ATF7IP: variants seen among roughly 807,000 people sequenced by gnomAD.
The protein encoded by ATF7IP is activating transcription factor 7 interacting protein, also known as activating transcription factor 7-interacting protein 1.
ATF7IP carries 23 observed loss-of-function variants against 106.4 expected under a neutral mutation model. That is an observed-to-expected ratio of 0.22 (90% CI 0.16 to 0.31). The LOEUF (loss-of-function observed/expected upper bound fraction) is 0.31, where lower values mean the gene tolerates loss of function less well. Ranked by LOEUF, ATF7IP falls within the 10% of genes least tolerant of loss-of-function variation. The pLI is 1.00. For missense variants in ATF7IP, 1,334 were observed against 1,524.3 expected (o/e 0.88, Z 2.08); for synonymous variants, 542 against 539.0 (o/e 1.01, Z -0.08).
At chr12:14,377,802 C>T (rs1475564432) in intron 1 of ATF7IP, among the ~76,000 whole-genome samples, 6 of 151,600 alleles carry the variant, frequency 4.0e-5, no homozygotes, top group Non-Finnish European at 8.8e-5. Context: ...TTAGTAGAGA[C>T]AGGGTTTCAC....
intron 1 of ATF7IP, among the ~76,000 whole-genome samples, chr12:14,408,744 G>A (rs1940744565): frequency 6.6e-6 from 1 of 151,864 alleles, no homozygotes; most frequent in African/African-American, 2.4e-5. Flanking sequence ...CTTATAAATG[G>A]GTATATTTTA....
rs1462414998 is a variant in ATF7IP at position 14,500,070 on chromosome 12, T to A, written c.*1997T>A. On this transcript the variant is annotated 3_prime_UTR_variant, in exon 15 of 15. Coordinates refer to ENST00000261168, the MANE Select transcript of ATF7IP (RefSeq NM_018179.5). ...TTGAGAATATTTTGAAAGGAATTTA[T>A]GGAGTTTGTGAAATAACTTCGAAGT... is the stretch of plus-strand genomic sequence containing the variant. 1 of 152,206 alleles carries A rather than the reference T, an allele frequency of 6.6e-6. No homozygotes were observed. Among genetic ancestry groups the A allele is most frequent in the East Asian group, 1.9e-4 (1 of 5,200 alleles). 9.4% of individuals were successfully genotyped at this position (152,206 alleles called of 1,614,324 possible). A position where few individuals can be genotyped will look rare whatever the true frequency, so the allele number is the denominator to read the frequency against.
At chr12:14,398,387 G>GTTT (rs199525754) in intron 1 of ATF7IP, among the ~76,000 whole-genome samples, 1 of 144,348 alleles carries the variant, frequency 6.9e-6, no homozygotes, top group Non-Finnish European at 1.5e-5. Context: ...ACATCTAAAA[G>GTTT]TTTTTTTTTT....
At chr12:14,422,544 G>T (rs1941590813) in intron 1 of ATF7IP, among the ~76,000 whole-genome samples, 1 of 152,128 alleles carries the variant, frequency 6.6e-6, no homozygotes. Flanking sequence ...CCCTTTAGCA[G>T]CTACTCCTCA....
rs541591390 is a variant in ATF7IP, at chr12:14,365,687, T to C, written c.-148T>C. ...GGAGAAGCGGGTTTGTTTTTGAATC[T>C]GCGGAGGCGGCGGCGGTGGCAGCGG... is the stretch of plus-strand genomic sequence containing the variant. On this transcript the variant is annotated 5_prime_UTR_variant, in exon 1 of 15. Coordinates refer to ENST00000261168, the MANE Select transcript of ATF7IP (RefSeq NM_018179.5). 95 of 157,122 alleles carry C rather than the reference T, an allele frequency of 6.0e-4. 2 individuals carry two copies. The South Asian group carries it at 0.015, about 25-fold the overall frequency. The allele number at this position is 157,122 out of a possible 1,614,324, so 9.7% of individuals were successfully genotyped here.
chr12:14,413,424 C>T (rs917110381), intron 1 of ATF7IP, among the ~76,000 whole-genome samples: 7 of 152,088 alleles, frequency 4.6e-5, no homozygotes, highest in African/African-American at 1.7e-4. Flanking sequence ...TCTTAAATGG[C>T]ATCTCCATTT....
chr12:14,417,943 C>G (rs769857196), intron 1 of ATF7IP, among the ~76,000 whole-genome samples: 7 of 152,070 alleles, frequency 4.6e-5, no homozygotes, highest in Non-Finnish European at 1.0e-4. Flanking sequence ...CATTTAAATT[C>G]TTGAGCTTTT....
rs147130651 is a variant in ATF7IP at position 14,475,212 on chromosome 12, A to G, written c.2863-678A>G. Among the ~76,000 whole-genome samples, 1,473 of 152,312 alleles carry G rather than the reference A, an allele frequency of 9.7e-3. 18 individuals carry two copies. The highest frequency in any genetic ancestry group is 0.065 in the Middle Eastern group (19 of 294). ...ATCCTCACAATAGCCTCAATATTCA[A>G]ATATTGGAAATTGAGATAATTACCC... On this transcript the variant is annotated intron_variant, in intron 10 of 14. Transcript: ENST00000261168.
chr12:14,428,497 G>T (rs1941972196), intron 2 of ATF7IP, among the ~76,000 whole-genome samples: 1 of 152,130 alleles, frequency 6.6e-6, no homozygotes, highest in Non-Finnish European at 1.5e-5. Context: ...ACTGTACTCT[G>T]TTCTCTTTAT....
chr12:14,478,957 T>C (rs1324902531), intron 12 of ATF7IP, among the ~76,000 whole-genome samples: 1 of 152,208 alleles, frequency 6.6e-6, no homozygotes, highest in Non-Finnish European at 1.5e-5. Flanking sequence ...CCAAGAATGA[T>C]TTAAGATATA....
At chr12:14,367,472 A>G (rs1410525603) in intron 1 of ATF7IP, 1 of 151,948 alleles carries the variant, frequency 6.6e-6, no homozygotes, top group Non-Finnish European at 1.5e-5. Flanking sequence ...TCTCCCTTTT[A>G]TGTTTCTGGA....
chr12:14,468,037 C>T (rs185006291), intron 10 of ATF7IP, among the ~76,000 whole-genome samples: 82 of 151,942 alleles, frequency 5.4e-4, no homozygotes, highest in African/African-American at 1.6e-3. Context: ...GAGGCCGAGG[C>T]GGGCAGATCA....
At chr12:14,416,987 G>T in intron 1 of ATF7IP, 2 of 979,818 alleles carry the variant, frequency 2.0e-6, no homozygotes, top group Non-Finnish European at 2.4e-6. Flanking sequence ...TGTAAGGAAG[G>T]GGGGAAATGA....
chr12:14,444,610 G>T (rs1407793202), intron 5 of ATF7IP, among the ~76,000 whole-genome samples: 2 of 151,966 alleles, frequency 1.3e-5, no homozygotes, highest in African/African-American at 4.8e-5. Flanking sequence ...AATTAAAAAA[G>T]AATTGTACAG....
intron 1 of ATF7IP, among the ~76,000 whole-genome samples, chr12:14,392,714 A>G (rs933876404): frequency 2.0e-5 from 3 of 152,190 alleles, no homozygotes; most frequent in Non-Finnish European, 4.4e-5. Context: ...CTAGATGAGC[A>G]CTACACAAAA....
chr12:14,453,364 CT>C (rs1164745665), intron 6 of ATF7IP, among the ~76,000 whole-genome samples: 2 of 152,068 alleles, frequency 1.3e-5, no homozygotes, highest in Non-Finnish European at 2.9e-5. Flanking sequence ...ACTTTCTTAG[CT>C]TTTTTTCATT....
intron 1 of ATF7IP, among the ~76,000 whole-genome samples, chr12:14,374,819 T>C (rs951707200): frequency 6.6e-6 from 1 of 152,318 alleles, no homozygotes; most frequent in East Asian, 1.9e-4. Context: ...AAGCATGTTG[T>C]TGCTCTCAAC....
intron 1 of ATF7IP, chr12:14,419,403 A>AT (rs1244711137): frequency 2.6e-5 from 4 of 152,160 alleles, no homozygotes; most frequent in African/African-American, 7.2e-5. Context: ...AAAGTTATGA[A>AT]TTTTTTAAAA....
intron 6 of ATF7IP, among the ~76,000 whole-genome samples, chr12:14,453,048 A>C (rs996957109): frequency 6.6e-6 from 1 of 152,160 alleles, no homozygotes; most frequent in Non-Finnish European, 1.5e-5. Context: ...CAGGCCTACA[A>C]GATTTCTGCT....
Sources: gnomAD v4.1 joint callset for allele counts (sites outside exome capture counted in the v4.1 genomes callset) on GRCh38, gnomAD v4.1.1 for gene constraint, MANE v1.5 for transcripts, NCBI Gene and HGNC (gene_info 2026-07-23, HGNC 2026-07-21) for gene names.